Variants in DPP10 observed in about 807,000 individuals in gnomAD.
DPP10 encodes inactive dipeptidyl peptidase 10.
DPP10 carries 33 observed loss-of-function variants against 120.9 expected under a neutral mutation model. The observed-to-expected ratio is 0.27, with a 90% CI of 0.21 to 0.37. DPP10 has a LOEUF of 0.37. Ranked by LOEUF, DPP10 falls within the 10% of genes least tolerant of loss-of-function variation. DPP10 has a pLI of 1.00. For missense variants in DPP10, 816 were observed against 942.8 expected, an observed-to-expected ratio of 0.87 and a Z score of 1.76; for synonymous variants, 337 against 326.1, an observed-to-expected ratio of 1.03 and a Z score of -0.36.
rs186246275 is a variant in DPP10 at position 114,448,327 on chromosome 2, A to C, written c.60+5489A>C. Among the ~76,000 whole-genome samples, 3 of 152,288 alleles carry C rather than the reference A, an allele frequency of 2.0e-5. No homozygotes were observed. In the East Asian group the frequency reaches 5.8e-4, roughly 29 times the overall value. ...TATTTATTTTATTCTTGAGAAAGTA[A>C]TGTGTTAATACTTTTCTAGAAATTC... On this transcript the variant is annotated intron_variant, in intron 1 of 25. Coordinates refer to ENST00000410059, the MANE Select transcript of DPP10 (RefSeq NM_020868.6).
At chr2:114,891,241 G>A (rs1033415136) in intron 1 of DPP10, among the ~76,000 whole-genome samples, 9 of 152,130 alleles carry the variant, frequency 5.9e-5, no homozygotes, top group Admixed American at 4.6e-4. Flanking sequence ...AGAGACTAGC[G>A]TCAAGTGGGA....
chr2:115,457,519 G>A (rs2073664636), intron 3 of DPP10, among the ~76,000 whole-genome samples: 1 of 152,024 alleles, frequency 6.6e-6, no homozygotes, highest in African/African-American at 2.4e-5. Context: ...CAAATCAGGC[G>A]AGAGATTTTA....
intron 10 of DPP10, chr2:115,750,271 A>G (rs1488954033): frequency 1.2e-5 from 11 of 918,484 alleles, no homozygotes; most frequent in Middle Eastern, 5.6e-4. Context: ...AATATGAATC[A>G]CAGGGAGATG....
At chr2:115,626,039 A>G (rs1469898224) in intron 5 of DPP10, among the ~76,000 whole-genome samples, 4 of 145,522 alleles carry the variant, frequency 2.7e-5, no homozygotes, top group Admixed American at 6.9e-5. Flanking sequence ...GGCCAAAAAG[A>G]AAAAAAAAAA....
chr2:115,067,680 G>A (rs536841386), intron 1 of DPP10, among the ~76,000 whole-genome samples: 15 of 147,734 alleles, frequency 1.0e-4, no homozygotes, highest in African/African-American at 1.5e-4. Flanking sequence ...TGGCTAACAC[G>A]GTGAAACCCC....
At chr2:114,599,255 A>T (rs934402110) in intron 1 of DPP10, among the ~76,000 whole-genome samples, 2 of 151,928 alleles carry the variant, frequency 1.3e-5, no homozygotes, top group Non-Finnish European at 2.9e-5. Context: ...ATATGCATGC[A>T]ATGAAATGTG....
rs1252443798 is a variant in DPP10, at chr2:115,259,495, AAAAG to A, written c.61-49733_61-49730del. Among the ~76,000 whole-genome samples the A allele has an allele frequency of 8.4e-4, 128 of 152,118 alleles. 1 individual carries two copies. Among genetic ancestry groups the A allele is most frequent in the South Asian group, 5.0e-3 (24 of 4,828 alleles). Reference sequence around the variant, plus strand: ...GAGAAACTTCATCTCAAAAAAAAAAAAAAGAAAGAAAGAATAGCAAAAGAAACAC... The same window carrying A: ...GAGAAACTTCATCTCAAAAAAAAAAAAAAGAAAGAATAGCAAAAGAAACAC... On this transcript the variant is annotated intron_variant, in intron 1 of 25. Transcript: ENST00000410059.
rs183840562 is a variant in DPP10, at chr2:115,777,189, A to G, written c.1222-19A>G. 32 of 1,608,376 alleles carry G rather than the reference A, an allele frequency of 2.0e-5. No individual in the cohort carries two copies. In the Admixed American group the frequency reaches 5.2e-4, roughly 26 times the overall value. ...CTGTTTAAATGAAAGGAAAATCAAT[A>G]TTTTCTATTTCTTTGCAGAGTAAAA... On this transcript the variant is annotated intron_variant, in intron 13 of 25. Transcript: ENST00000410059.
chr2:114,601,841 C>T (rs972230313), intron 1 of DPP10, among the ~76,000 whole-genome samples: 28 of 151,822 alleles, frequency 1.8e-4, no homozygotes, highest in African/African-American at 6.8e-4. Context: ...TTGGGAGTGC[C>T]ACTAATGCAG....
At chr2:115,326,593 C>T (rs2062379045) in intron 2 of DPP10, among the ~76,000 whole-genome samples, 1 of 151,980 alleles carries the variant, frequency 6.6e-6, no homozygotes, top group East Asian at 1.9e-4. Flanking sequence ...TAGCCCCATG[C>T]ACCTTATTTA....
intron 1 of DPP10, among the ~76,000 whole-genome samples, chr2:115,206,642 C>T (rs1430092649): frequency 6.6e-6 from 1 of 152,078 alleles, no homozygotes; most frequent in Non-Finnish European, 1.5e-5. Flanking sequence ...AAAATTTGAG[C>T]ATCATAGTGG....
intron 1 of DPP10, among the ~76,000 whole-genome samples, chr2:114,964,491 A>G (rs1028451255): frequency 1.3e-5 from 2 of 152,172 alleles, no homozygotes; most frequent in Non-Finnish European, 2.9e-5. Flanking sequence ...CAGAGTATCC[A>G]TGGAAGTCTT....
intron 5 of DPP10, among the ~76,000 whole-genome samples, chr2:115,604,417 C>G (rs540000104): frequency 1.3e-5 from 2 of 152,292 alleles, no homozygotes; most frequent in Admixed American, 1.3e-4. Context: ...ATTCTCATAT[C>G]TGTTATTTCT....
chr2:115,650,693 T>G (rs1474482067), intron 5 of DPP10, among the ~76,000 whole-genome samples: 2 of 152,020 alleles, frequency 1.3e-5, no homozygotes, highest in Admixed American at 6.6e-5. Flanking sequence ...TCAGCTAGCC[T>G]CCATGAGTAT....
At chr2:115,379,389 G>A (rs374816124) in intron 3 of DPP10, among the ~76,000 whole-genome samples, 11 of 152,016 alleles carry the variant, frequency 7.2e-5, no homozygotes, top group African/African-American at 1.2e-4. Context: ...CTGTGGGATC[G>A]GTGGTGATAT....
At chr2:115,321,281 A>G (rs1412719626) in intron 2 of DPP10, among the ~76,000 whole-genome samples, 1 of 152,186 alleles carries the variant, frequency 6.6e-6, no homozygotes, top group Non-Finnish European at 1.5e-5. Context: ...AGCCTGGGCA[A>G]CAAGAGTGAA....
chr2:115,544,301 A>G (rs1347787949), intron 5 of DPP10, among the ~76,000 whole-genome samples: 2 of 152,072 alleles, frequency 1.3e-5, no homozygotes, highest in Non-Finnish European at 2.9e-5. Flanking sequence ...TCTTGTTTTT[A>G]CATATAAACC....
chr2:115,100,715 T>C (rs1210421526), intron 1 of DPP10, among the ~76,000 whole-genome samples: 1 of 152,134 alleles, frequency 6.6e-6, no homozygotes. Flanking sequence ...ACTGCCTCTT[T>C]TAAGTTGCTC....
At chr2:115,387,229 C>T (rs1184965101) in intron 3 of DPP10, among the ~76,000 whole-genome samples, 1 of 152,136 alleles carries the variant, frequency 6.6e-6, no homozygotes, top group Non-Finnish European at 1.5e-5. Flanking sequence ...TAGAAGGCTC[C>T]AATGGAGATG....
Sources: gnomAD v4.1 joint callset for allele counts (sites outside exome capture counted in the v4.1 genomes callset) on GRCh38, gnomAD v4.1.1 for gene constraint, MANE v1.5 for transcripts, NCBI Gene and HGNC (gene_info 2026-07-23, HGNC 2026-07-21) for gene names.